The following R3HDM1 variants were observed in gnomAD, a reference collection of about 807,000 sequenced individuals.
R3HDM1 encodes the protein R3H domain-containing protein 1.
In R3HDM1, 46 loss-of-function variants were observed where a neutral mutation model predicts 141.1. The observed-to-expected ratio is 0.33, with a 90% CI of 0.26 to 0.42. The LOEUF (loss-of-function observed/expected upper bound fraction) is 0.42. Among genes scored for constraint, R3HDM1 ranks in the 10% least tolerant of loss-of-function variants. The pLI, the probability that R3HDM1 is intolerant of heterozygous loss-of-function variation, is 1.00. For synonymous variants in R3HDM1, 435 were observed against 472.9 expected (o/e 0.92, Z 1.04); for missense variants, 1,184 against 1,368.3 (o/e 0.87, Z 2.12).
At chr2:135,584,161 C>T (rs1707368498) in intron 1 of R3HDM1, 1 of 654,982 alleles carries the variant, frequency 1.5e-6, no homozygotes, top group Non-Finnish European at 1.9e-6. Flanking sequence ...AACACCATCT[C>T]TAATAAAAAT....
At position 135,602,725 on chromosome 2, in the gene R3HDM1, A is replaced by G; in HGVS notation, c.-41+17A>G. ...ACGCATCAGGTAATGCTTCCCTGTC[A>G]TTCAGAAAAACATATTTTTCTTACA... On this transcript the variant is annotated intron_variant, in intron 2 of 26. Coordinates refer to ENST00000683871, the MANE Select transcript of R3HDM1 (RefSeq NM_001378107.1). 1.4e-6 allele frequency: 2 copies of G among 1,459,844 alleles called. No homozygotes were observed. The highest frequency in any genetic ancestry group is 1.8e-6 in the Non-Finnish European group (2 of 1,105,956). 90.4% of individuals were successfully genotyped at this position (1,459,844 alleles called of 1,614,324 possible).
At chr2:135,554,030 T>C (rs951092658) in intron 1 of R3HDM1, among the ~76,000 whole-genome samples, 27 of 152,242 alleles carry the variant, frequency 1.8e-4, no homozygotes, top group Non-Finnish European at 2.4e-4. Context: ...ATATAATTCG[T>C]GTACTGTAAA....
intron 22 of R3HDM1, 109 bp from the exon 23 acceptor site, chr2:135,709,950 G>C: frequency 8.4e-7 from 1 of 1,189,100 alleles, no homozygotes; most frequent in Non-Finnish European, 1.2e-6. Flanking sequence ...TTAGTTAATA[G>C]TAAAATTTTA....
chr2:135,621,839 A>T, intron 6 of R3HDM1: 3 of 982,108 alleles, frequency 3.1e-6, no homozygotes, highest in Non-Finnish European at 3.6e-6. Context: ...AGGACATCTT[A>T]ATCTCTTACT....
intron 1 of R3HDM1, among the ~76,000 whole-genome samples, chr2:135,578,648 G>T (rs1706063592): frequency 6.6e-6 from 1 of 152,162 alleles, no homozygotes; most frequent in Non-Finnish European, 1.5e-5. Context: ...GGGAAGAAAA[G>T]AACTAAGTAA....
At chr2:135,565,357 TTA>T (rs1702549976) in intron 1 of R3HDM1, among the ~76,000 whole-genome samples, 3 of 147,790 alleles carry the variant, frequency 2.0e-5, no homozygotes, top group South Asian at 2.1e-4. Flanking sequence ...ATTATTATTA[TTA>T]TTATTTTTAA....
chr2:135,599,210 A>G lies in R3HDM1; in HGVS notation c.-249-3290A>G, dbSNP rs140914289. Among the ~76,000 whole-genome samples, 616 of 152,166 alleles carry G rather than the reference A, an allele frequency of 4.0e-3. 4 individuals are homozygous for G. Among genetic ancestry groups the G allele is most frequent in the African/African-American group, 0.014 (587 of 41,502 alleles). On this transcript the variant is annotated intron_variant, in intron 1 of 26. Coordinates refer to ENST00000683871, the MANE Select transcript of R3HDM1 (RefSeq NM_001378107.1). ...ACATGTGGCGTTTCTCTGGTTATCT[A>G]CCTGGTAGCACAGGAATTATATATA...
chr2:135,607,508 AC>A (rs2060178639), intron 3 of R3HDM1, among the ~76,000 whole-genome samples: 1 of 152,200 alleles, frequency 6.6e-6, no homozygotes, highest in East Asian at 1.9e-4. Context: ...TTCTAGAACA[AC>A]AAAAAATTGC....
chr2:135,691,934 A>G (rs959772458), intron 21 of R3HDM1, among the ~76,000 whole-genome samples: 8 of 151,806 alleles, frequency 5.3e-5, no homozygotes, highest in African/African-American at 1.9e-4. Context: ...TTATTTTGAG[A>G]TAGAGTCTCA....
At chr2:135,532,074 C>T (rs1168098956) in intron 1 of R3HDM1, among the ~76,000 whole-genome samples, 1 of 152,212 alleles carries the variant, frequency 6.6e-6, no homozygotes, top group Non-Finnish European at 1.5e-5. Context: ...AGCAGGCCTG[C>T]CAAGAGCGTG....
At chr2:135,679,171 G>T (rs1201356628) in intron 20 of R3HDM1, among the ~76,000 whole-genome samples, 1 of 143,680 alleles carries the variant, frequency 7.0e-6, no homozygotes, top group Admixed American at 7.3e-5. Context: ...CTCTAATATT[G>T]AGGTACATTT....
At chr2:135,539,753 A>C (rs1385203250) in intron 1 of R3HDM1, among the ~76,000 whole-genome samples, 1 of 152,222 alleles carries the variant, frequency 6.6e-6, no homozygotes, top group Non-Finnish European at 1.5e-5. Context: ...TAATTTTTAA[A>C]TATTGCTAAA....
chr2:135,536,989 C>G (rs2104879832), intron 1 of R3HDM1, among the ~76,000 whole-genome samples: 1 of 152,194 alleles, frequency 6.6e-6, no homozygotes, highest in African/African-American at 2.4e-5. Context: ...CCTGCACCAT[C>G]TGGGGAAAAA....
At chr2:135,592,811 A>C (rs1262951831) in intron 1 of R3HDM1, among the ~76,000 whole-genome samples, 2 of 151,674 alleles carry the variant, frequency 1.3e-5, no homozygotes, top group Non-Finnish European at 2.9e-5. Flanking sequence ...ACTGGAATGC[A>C]GTGGCGCTAT....
intron 24 of R3HDM1, 21 bp downstream of exon 24, chr2:135,715,715 T>G: frequency 6.3e-7 from 1 of 1,599,316 alleles, no homozygotes; most frequent in Non-Finnish European, 8.5e-7. Context: ...ATGAAACTAG[T>G]CACAACTTCA....
In R3HDM1 at chr2:135,645,530, G is replaced by T; in HGVS notation, c.1623+3G>T. On this transcript the variant is annotated splice_donor_region_variant and intron_variant, in intron 16 of 26. Coordinates refer to ENST00000683871, the MANE Select transcript of R3HDM1 (RefSeq NM_001378107.1). ...CAGCTAATCACATTTTCTCACAGGT[G>T]CACATATCCATGATTACATAATGCT... 6.2e-7 allele frequency: 1 copy of T among 1,613,246 alleles called. No individual in the cohort carries two copies. Among genetic ancestry groups the T allele is most frequent in the East Asian group, 2.2e-5 (1 of 44,876 alleles).
intron 20 of R3HDM1, among the ~76,000 whole-genome samples, chr2:135,677,461 C>A (rs1429438289): frequency 6.6e-6 from 1 of 152,084 alleles, no homozygotes; most frequent in Non-Finnish European, 1.5e-5. Flanking sequence ...ACTATCTAAT[C>A]CAATACAGAG....
intron 3 of R3HDM1, among the ~76,000 whole-genome samples, chr2:135,611,085 C>T (rs1215522745): frequency 1.4e-5 from 2 of 143,524 alleles, no homozygotes; most frequent in Admixed American, 7.0e-5. Context: ...GCCTGGGCAA[C>T]AGAGTAAGAC....
intron 5 of R3HDM1, among the ~76,000 whole-genome samples, chr2:135,618,669 A>C (rs998296155): frequency 1.1e-4 from 16 of 152,150 alleles, no homozygotes; most frequent in Non-Finnish European, 1.5e-4. Context: ...CTGAAGAGCT[A>C]TATAATACAG....
Sources: gnomAD v4.1 joint callset for allele counts (sites outside exome capture counted in the v4.1 genomes callset) on GRCh38, gnomAD v4.1.1 for gene constraint, MANE v1.5 for transcripts, NCBI Gene and HGNC (gene_info 2026-07-23, HGNC 2026-07-21) for gene names.